The following YAF2 variants were observed in gnomAD, a reference collection of about 807,000 sequenced individuals.
YAF2 encodes the protein YY1 associated factor 2.
A neutral mutation model predicts 20.1 loss-of-function variants in YAF2; 7 were observed. The observed-to-expected ratio is 0.35, with a 90% CI of 0.20 to 0.65. YAF2 has a LOEUF of 0.65. Ranked by LOEUF, YAF2 falls within the 30% of genes least tolerant of loss-of-function variation. The pLI is 0.69. For synonymous variants in YAF2, 74 were observed against 76.0 expected (o/e 0.97, Z 0.14); for missense variants, 151 against 219.2 (o/e 0.69, Z 1.96).
rs1451332392 is a variant in YAF2 at position 42,157,316 on chromosome 12, A to C, written c.*3273T>G. On this transcript the variant is annotated 3_prime_UTR_variant, in exon 4 of 4. Transcript: ENST00000534854. ...GAATTCATCCATTCCTGCAAGAGCG[A>C]ATCCATTCCAGAACTAACTGAGCCT... The C allele has an allele frequency of 1.3e-5, 2 of 152,266 alleles. No individual in the cohort carries two copies. The highest frequency in any genetic ancestry group is 1.3e-4 in the Admixed American group (2 of 15,282). 9.4% of individuals were successfully genotyped at this position (152,266 alleles called of 1,614,324 possible).
intron 2 of YAF2, chr12:42,236,005 T>C: frequency 3.9e-6 from 6 of 1,536,050 alleles, no homozygotes; most frequent in Non-Finnish European, 5.2e-6. Flanking sequence ...TCCCTGCAAA[T>C]AAACATATAG....
intron 2 of YAF2, among the ~76,000 whole-genome samples, chr12:42,216,745 T>A (rs551088073): frequency 6.6e-6 from 1 of 152,254 alleles, no homozygotes; most frequent in East Asian, 1.9e-4. Context: ...TCAGAGATCT[T>A]CCCTCTCAAA....
At chr12:42,226,739 TACAA>T (rs2067712614) in intron 2 of YAF2, among the ~76,000 whole-genome samples, 1 of 152,240 alleles carries the variant, frequency 6.6e-6, no homozygotes, top group African/African-American at 2.4e-5. Context: ...ATAATATTTT[TACAA>T]ACATAGTGTT....
intron 2 of YAF2, among the ~76,000 whole-genome samples, chr12:42,191,663 C>T (rs1565619348): frequency 1.3e-5 from 2 of 152,140 alleles, no homozygotes; most frequent in Admixed American, 1.3e-4. Context: ...AAGCATCACA[C>T]TTAGTGTTAG....
intron 2 of YAF2, 102 bp from the exon 3 acceptor site, chr12:42,161,867 A>C: frequency 9.4e-7 from 1 of 1,064,894 alleles, no homozygotes; most frequent in South Asian, 1.6e-5. Flanking sequence ...AATAACAATA[A>C]CTTTCAAGTA....
rs1269955921 is a variant in YAF2, at chr12:42,157,766, C to T, written c.*2823G>A. ...TCTTCTGTGCCTCAAATTATATTCA[C>T]TTTTTAAATATACATATATATATAT... On this transcript the variant is annotated 3_prime_UTR_variant, in exon 4 of 4. Coordinates refer to ENST00000534854, the MANE Select transcript of YAF2 (RefSeq NM_005748.6). 1 of 149,724 alleles carries T rather than the reference C, an allele frequency of 6.7e-6. No individual in the cohort carries two copies. Among genetic ancestry groups the T allele is most frequent in the Non-Finnish European group, 1.5e-5 (1 of 67,868 alleles). 9.3% of individuals were successfully genotyped at this position (149,724 alleles called of 1,614,324 possible).
chr12:42,208,674 T>G (rs2067121303), intron 2 of YAF2, among the ~76,000 whole-genome samples: 1 of 152,118 alleles, frequency 6.6e-6, no homozygotes, highest in African/African-American at 2.4e-5. Flanking sequence ...ACTGAAGAAC[T>G]GAAGATAACA....
At chr12:42,224,576 G>A (rs2067629686) in intron 2 of YAF2, among the ~76,000 whole-genome samples, 1 of 151,076 alleles carries the variant, frequency 6.6e-6, no homozygotes, top group Admixed American at 6.6e-5. Flanking sequence ...CCCTCCCTGT[G>A]TCCATGTGTT....
At chr12:42,235,032 G>T in intron 2 of YAF2, 1 of 985,364 alleles carries the variant, frequency 1.0e-6, no homozygotes, top group Non-Finnish European at 1.2e-6. Context: ...GTAGAACAAG[G>T]ACTCAATCTT....
chr12:42,203,712 A>C (rs1190093505), intron 2 of YAF2, among the ~76,000 whole-genome samples: 1 of 152,190 alleles, frequency 6.6e-6, no homozygotes, highest in Non-Finnish European at 1.5e-5. Flanking sequence ...CTCCTATCCC[A>C]ATTAAAATTT....
At position 42,158,948 on chromosome 12, in the gene YAF2, G is replaced by A. The variant is rs2065748995; in HGVS notation, c.*1641C>T. 6.6e-6 allele frequency: 1 copy of A among 152,104 alleles called. No homozygotes were observed. Among genetic ancestry groups the A allele is most frequent in the African/African-American group, 2.4e-5 (1 of 41,422 alleles). 9.4% of individuals were successfully genotyped at this position (152,104 alleles called of 1,614,324 possible). On this transcript the variant is annotated 3_prime_UTR_variant, in exon 4 of 4. Coordinates refer to ENST00000534854, the MANE Select transcript of YAF2 (RefSeq NM_005748.6). ...AAGACAAAAAAATTCATGTTTTAAA[G>A]GAACATATCTGGTTAGCTGGTATTC... is the stretch of plus-strand genomic sequence containing the variant.
intron 2 of YAF2, among the ~76,000 whole-genome samples, chr12:42,211,102 T>G (rs1178538478): frequency 2.0e-5 from 3 of 152,180 alleles, no homozygotes; most frequent in African/African-American, 7.2e-5. Context: ...TCAGATAAAA[T>G]GCATCAATAC....
intron 2 of YAF2, among the ~76,000 whole-genome samples, chr12:42,198,961 T>A (rs979577254): frequency 6.6e-6 from 1 of 152,366 alleles, no homozygotes; most frequent in South Asian, 2.1e-4. Context: ...TGATTTTGAA[T>A]ACTTCATATG....
intron 2 of YAF2, chr12:42,234,541 CA>C: frequency 1.0e-6 from 1 of 985,340 alleles, no homozygotes; most frequent in Non-Finnish European, 1.2e-6. Context: ...GAAGCTACAA[CA>C]AATCATTTTA....
At chr12:42,225,918 T>G (rs2067678539) in intron 2 of YAF2, among the ~76,000 whole-genome samples, 1 of 152,216 alleles carries the variant, frequency 6.6e-6, no homozygotes, top group South Asian at 2.1e-4. Flanking sequence ...GTGAAGAAAG[T>G]CAATGGTAGC....
intron 2 of YAF2, among the ~76,000 whole-genome samples, chr12:42,176,288 T>C (rs1249242358): frequency 6.6e-6 from 1 of 151,774 alleles, no homozygotes; most frequent in Admixed American, 6.6e-5. Flanking sequence ...CGCCAGCTAA[T>C]TTTTGTATTT....
intron 2 of YAF2, among the ~76,000 whole-genome samples, chr12:42,166,022 G>T (rs891171995): frequency 6.6e-6 from 1 of 151,586 alleles, no homozygotes; most frequent in Non-Finnish European, 1.5e-5. Context: ...AGCTTCAAGC[G>T]ATTCTCCTAC....
chr12:42,214,587 GCTTT>G (rs2067301912), intron 2 of YAF2, among the ~76,000 whole-genome samples: 1 of 151,960 alleles, frequency 6.6e-6, no homozygotes, highest in Non-Finnish European at 1.5e-5. Flanking sequence ...TTATCCTTCT[GCTTT>G]CTGATTAAAT....
chr12:42,204,775 C>T lies in YAF2; in HGVS notation c.152+32824G>A, dbSNP rs532855989. ...AAGTGTACTGACATATGCTACAATG[C>T]GGATAAACCTTAAACACATGCTAAG... On this transcript the variant is annotated intron_variant, in intron 2 of 3. Transcript: ENST00000534854. 6.6e-5 allele frequency among the ~76,000 whole-genome samples: 10 copies of T among 152,224 alleles called. No individual in the cohort carries two copies. The East Asian group carries it at 1.2e-3, about 18-fold the overall frequency.
Sources: allele counts gnomAD v4.1 joint callset (sites outside exome capture counted in the v4.1 genomes callset), GRCh38; gene constraint gnomAD v4.1.1; transcripts MANE v1.5; gene names NCBI Gene and HGNC (gene_info 2026-07-23, HGNC 2026-07-21).